Variants in PACRG observed in about 807,000 individuals in gnomAD.
PACRG encodes the protein parkin coregulated, also known as parkin coregulated gene protein.
PACRG carries 29 observed loss-of-function variants against 29.7 expected under a neutral mutation model. The ratio of observed to expected loss-of-function variants is 0.98; its 90% CI spans 0.73 to 1.33. The LOEUF is 1.33. PACRG is among the 40% of genes most tolerant of loss of function. The pLI is 0.00. For missense variants in PACRG, 279 were observed against 316.2 expected (o/e 0.88, Z 0.89); for synonymous variants, 116 against 118.7 (o/e 0.98, Z 0.15).
chr6:163,236,194 A>G (rs1782231896), intron 4 of PACRG, among the ~76,000 whole-genome samples: 1 of 152,176 alleles, frequency 6.6e-6, no homozygotes, highest in Admixed American at 6.5e-5. Context: ...TTCTCCTCCC[A>G]TCTGCCAAAG....
chr6:163,137,144 A>G (rs181662998), intron 4 of PACRG, among the ~76,000 whole-genome samples: 725 of 152,322 alleles, frequency 4.8e-3, no homozygotes, highest in African/African-American at 0.012. Flanking sequence ...GAGAAGCCTT[A>G]TCTATCACAG....
At chr6:163,176,782 A>C (rs1296895150) in intron 4 of PACRG, among the ~76,000 whole-genome samples, 4 of 152,228 alleles carry the variant, frequency 2.6e-5, no homozygotes, top group Non-Finnish European at 5.9e-5. Context: ...GGCTAAGGAA[A>C]TAGCGTGAGT....
rs1270496609 is a variant in PACRG, at chr6:163,136,056, G to C, written c.613+46648G>C. On this transcript the variant is annotated intron_variant, in intron 4 of 4. Transcript: ENST00000366888. Reference sequence around the variant, plus strand: ...TATGTGTTTGCAGACTTTAGTTTTTGTGCCTATTTATTCGGTCTTTTACAA... The same window carrying C: ...TATGTGTTTGCAGACTTTAGTTTTTCTGCCTATTTATTCGGTCTTTTACAA... 2.0e-5 allele frequency among the ~76,000 whole-genome samples: 3 copies of C among 152,004 alleles called. No individual in the cohort carries two copies. In the East Asian group the frequency reaches 5.8e-4, roughly 29 times the overall value.
chr6:163,235,263 C>G (rs777552003), intron 4 of PACRG, among the ~76,000 whole-genome samples: 1 of 152,192 alleles, frequency 6.6e-6, no homozygotes, highest in African/African-American at 2.4e-5. Flanking sequence ...TTGCATGTGA[C>G]AGTCTAATGA....
At chr6:162,923,716 A>T (rs1011954654) in intron 2 of PACRG, among the ~76,000 whole-genome samples, 3 of 152,006 alleles carry the variant, frequency 2.0e-5, no homozygotes, top group Admixed American at 6.6e-5. Flanking sequence ...CCATTTGTTT[A>T]TGTGTCTGTT....
chr6:162,811,932 G>A (rs1411986721), intron 1 of PACRG, among the ~76,000 whole-genome samples: 2 of 152,100 alleles, frequency 1.3e-5, no homozygotes, highest in South Asian at 2.1e-4. Flanking sequence ...TTCAGATTTT[G>A]ATACTCAATC....
intron 4 of PACRG, among the ~76,000 whole-genome samples, chr6:163,249,439 G>A (rs992960686): frequency 6.6e-6 from 1 of 152,186 alleles, no homozygotes; most frequent in African/African-American, 2.4e-5. Flanking sequence ...TAGCCGGCTG[G>A]CAAGTGCATA....
intron 2 of PACRG, among the ~76,000 whole-genome samples, chr6:162,933,103 T>C (rs767072672): frequency 3.3e-5 from 5 of 152,166 alleles, no homozygotes; most frequent in Non-Finnish European, 5.9e-5. Flanking sequence ...ATTTACTTCT[T>C]AATTTCTTCA....
chr6:162,903,595 G>A (rs1327912433), intron 2 of PACRG, among the ~76,000 whole-genome samples: 3 of 152,094 alleles, frequency 2.0e-5, no homozygotes, highest in Non-Finnish European at 1.5e-5. Flanking sequence ...ACTACCACAA[G>A]AACAGTATGG....
chr6:163,066,436 G>A (rs1811550821), intron 3 of PACRG, among the ~76,000 whole-genome samples: 1 of 152,184 alleles, frequency 6.6e-6, no homozygotes, highest in African/African-American at 2.4e-5. Flanking sequence ...CCCAAGTGAG[G>A]AGGACAGTGT....
intron 2 of PACRG, among the ~76,000 whole-genome samples, chr6:162,888,832 T>C (rs1794553523): frequency 6.6e-6 from 1 of 152,088 alleles, no homozygotes; most frequent in Admixed American, 6.5e-5. Context: ...AATTTTCTCC[T>C]GAAAAACCCT....
In PACRG at chr6:163,261,956, A is replaced by G. The variant is rs1374019200; in HGVS notation, c.614-52871A>G. On this transcript the variant is annotated intron_variant, in intron 4 of 4. Transcript: ENST00000366888. The stretch of plus-strand genomic sequence containing the variant: ...CCCCCAGGAATACGGTGGGACAACT[A>G]TATTAATTAATTAACCTTTTTTGCA... Among the ~76,000 whole-genome samples the G allele has an allele frequency of 2.0e-5, 3 of 152,188 alleles. No individual in the cohort carries two copies. In the East Asian group the frequency reaches 5.8e-4, roughly 29 times the overall value.
chr6:163,166,108 G>C, intron 4 of PACRG: 1 of 456,276 alleles, frequency 2.2e-6, no homozygotes, highest in Non-Finnish European at 4.4e-6. Flanking sequence ...TTCCTCGGCT[G>C]CAGGGCTTGG....
At chr6:163,042,348 C>T (rs1481166997) in intron 2 of PACRG, among the ~76,000 whole-genome samples, 2 of 152,140 alleles carry the variant, frequency 1.3e-5, no homozygotes, top group Non-Finnish European at 2.9e-5. Flanking sequence ...GCTTGGTCTT[C>T]TCCAGCAGTC....
intron 1 of PACRG, among the ~76,000 whole-genome samples, chr6:162,758,420 A>G (rs1259405740): frequency 6.6e-6 from 1 of 152,136 alleles, no homozygotes; most frequent in Non-Finnish European, 1.5e-5. Flanking sequence ...GCATATTTTC[A>G]TCCTGTGTAT....
intron 4 of PACRG, among the ~76,000 whole-genome samples, chr6:163,270,693 C>T (rs1783792636): frequency 6.6e-6 from 1 of 151,710 alleles, no homozygotes; most frequent in Non-Finnish European, 1.5e-5. Context: ...TTTTTAAAGC[C>T]CAAATACAAT....
chr6:162,786,750 T>G lies in PACRG; in HGVS notation c.157-27397T>G, dbSNP rs150209292. Among the ~76,000 whole-genome samples the G allele has an allele frequency of 6.2e-4, 95 of 152,230 alleles. No homozygotes were observed. In the South Asian group the frequency reaches 8.7e-3, roughly 14 times the overall value. ...TTTTTTTTTTACAGTAATACAATTTTTATTATGTTGTTAAATCTCTTCCTC... is the reference window on the plus strand; with the variant it reads ...TTTTTTTTTTACAGTAATACAATTTGTATTATGTTGTTAAATCTCTTCCTC... On this transcript the variant is annotated intron_variant, in intron 1 of 4. Transcript: ENST00000366888.
intron 2 of PACRG, among the ~76,000 whole-genome samples, chr6:162,946,268 A>G (rs769815648): frequency 2.0e-4 from 30 of 152,022 alleles, no homozygotes; most frequent in Non-Finnish European, 4.1e-4. Flanking sequence ...AAAAAAAATG[A>G]AAAGAAAACC....
At chr6:162,769,117 GTAAAACAGCA>G (rs1341331761) in intron 1 of PACRG, among the ~76,000 whole-genome samples, 2 of 152,118 alleles carry the variant, frequency 1.3e-5, no homozygotes, top group Non-Finnish European at 2.9e-5. Flanking sequence ...ATCACAAACA[GTAAAACAGCA>G]TATGGGGGAG....
Sources: gnomAD v4.1 joint callset for allele counts (sites outside exome capture counted in the v4.1 genomes callset) on GRCh38, gnomAD v4.1.1 for gene constraint, MANE v1.5 for transcripts, NCBI Gene and HGNC (gene_info 2026-07-23, HGNC 2026-07-21) for gene names.